NRCAM: variants seen among roughly 807,000 people sequenced by gnomAD.
The protein encoded by NRCAM is neuronal cell adhesion molecule.
A neutral mutation model predicts 156.5 loss-of-function variants in NRCAM; 83 were observed. The observed-to-expected ratio is 0.53, with a 90% confidence interval of 0.44 to 0.64. NRCAM has a LOEUF of 0.64. Ranked by LOEUF, NRCAM falls within the 30% of genes least tolerant of loss-of-function variation. The pLI, the probability that NRCAM is intolerant of heterozygous loss-of-function variation, is 0.00. For missense variants in NRCAM, 1,417 were observed against 1,597.3 expected (o/e 0.89, Z 1.92); for synonymous variants, 538 against 563.9 (o/e 0.95, Z 0.65).
At chr7:108,344,923 T>C (rs1362688354) in intron 2 of NRCAM, among the ~76,000 whole-genome samples, 1 of 152,148 alleles carries the variant, frequency 6.6e-6, no homozygotes, top group Non-Finnish European at 1.5e-5. Flanking sequence ...TTTCATTATA[T>C]GAAGTCAAGG....
intron 14 of NRCAM, among the ~76,000 whole-genome samples, chr7:108,196,462 T>C (rs34486442): frequency 1.9e-3 from 294 of 152,200 alleles, no homozygotes; most frequent in Non-Finnish European, 3.2e-3. Context: ...CCAAAATATA[T>C]AAAGAACTCA....
chr7:108,160,937 C>T (rs1263942885), intron 30 of NRCAM, among the ~76,000 whole-genome samples: 2 of 152,136 alleles, frequency 1.3e-5, no homozygotes, highest in Non-Finnish European at 2.9e-5. Context: ...CTTTTAGAGG[C>T]TAAACTGTCC....
intron 32 of NRCAM, chr7:108,150,616 A>T (rs2040836448): frequency 2.0e-6 from 1 of 491,776 alleles, no homozygotes; most frequent in African/African-American, 2.0e-5. Context: ...TTTTTTTCTG[A>T]GCCAGAAGGA....
chr7:108,176,784 C>T (rs1482903616), intron 26 of NRCAM, 178 bp from the exon 27 acceptor site: 2 of 561,554 alleles, frequency 3.6e-6, no homozygotes, highest in African/African-American at 1.9e-5. Context: ...ATGCTATGTT[C>T]TATCATATCG....
chr7:108,224,571 T>G (rs866401476), intron 10 of NRCAM, among the ~76,000 whole-genome samples: 68 of 152,274 alleles, frequency 4.5e-4, no homozygotes, highest in African/African-American at 1.6e-3. Flanking sequence ...GAAGGTTTCT[T>G]AGAAAAACTT....
chr7:108,441,773 C>T (rs1838804683), intron 1 of NRCAM, among the ~76,000 whole-genome samples: 1 of 152,188 alleles, frequency 6.6e-6, no homozygotes, highest in Non-Finnish European at 1.5e-5. Context: ...CAAATCTGGC[C>T]TGCCGCCAAT....
At chr7:108,365,530 A>T (rs2099586577) in intron 2 of NRCAM, among the ~76,000 whole-genome samples, 1 of 152,202 alleles carries the variant, frequency 6.6e-6, no homozygotes, top group South Asian at 2.1e-4. Flanking sequence ...ATTTCTTTAT[A>T]GTGAGAACAT....
chr7:108,440,164 C>G (rs1836980934), intron 1 of NRCAM, among the ~76,000 whole-genome samples: 1 of 152,084 alleles, frequency 6.6e-6, no homozygotes, highest in South Asian at 2.1e-4. Flanking sequence ...ATCTACATAC[C>G]AGGGAATACC....
chr7:108,286,807 C>T (rs571182091), intron 3 of NRCAM, among the ~76,000 whole-genome samples: 6 of 152,182 alleles, frequency 3.9e-5, no homozygotes, highest in Admixed American at 2.0e-4. Flanking sequence ...CTTTAATGTC[C>T]GTAGAATCAG....
chr7:108,194,440 A>G lies in NRCAM; in HGVS notation c.1464-12T>C. Reference sequence around the variant, plus strand: ...TAGCTCCTTTAAACCTTCATTACAGAAATTATCACAATGAGAATAAAAACA... The same window carrying G: ...TAGCTCCTTTAAACCTTCATTACAGGAATTATCACAATGAGAATAAAAACA... On this transcript the variant is annotated splice_polypyrimidine_tract_variant and intron_variant, in intron 15 of 32. Transcript: ENST00000379028. 1 of 1,550,736 alleles carries G rather than the reference A, an allele frequency of 6.4e-7. No homozygotes were observed. Among genetic ancestry groups the G allele is most frequent in the Non-Finnish European group, 8.8e-7 (1 of 1,140,952 alleles).
chr7:108,390,157 A>G lies in NRCAM; in HGVS notation c.-174+9279T>C, dbSNP rs148344762. Among the ~76,000 whole-genome samples, 1,506 of 152,260 alleles carry G rather than the reference A, an allele frequency of 9.9e-3. 33 individuals carry two copies. Among genetic ancestry groups the G allele is most frequent in the East Asian group, 0.054 (278 of 5,178 alleles). ...CAGCTCCTCCTTGTACCTCTGGTAG[A>G]ATTCGGCTATGAATCCATCTGGTCC... On this transcript the variant is annotated intron_variant, in intron 2 of 32. Coordinates refer to ENST00000379028, the MANE Select transcript of NRCAM (RefSeq NM_001037132.4).
At chr7:108,160,865 C>T (rs755693666) in intron 30 of NRCAM, among the ~76,000 whole-genome samples, 1 of 152,114 alleles carries the variant, frequency 6.6e-6, no homozygotes, top group Non-Finnish European at 1.5e-5. Context: ...AAATACAAAA[C>T]TGAGTTTTAA....
At position 108,153,417 on chromosome 7, in the gene NRCAM, A is replaced by G. The variant is rs557012464; in HGVS notation, c.3678-3270T>C. Reference sequence around the variant, plus strand: ...ACCCATTCATGATAAAAACATTAGGAATAGAATGTATTTTTATTCCTAACA... The same window carrying G: ...ACCCATTCATGATAAAAACATTAGGGATAGAATGTATTTTTATTCCTAACA... On this transcript the variant is annotated intron_variant, in intron 32 of 32. Transcript: ENST00000379028. Among the ~76,000 whole-genome samples the G allele has an allele frequency of 1.4e-4, 22 of 152,280 alleles. No homozygotes were observed. The South Asian group carries it at 4.6e-3, about 32-fold the overall frequency.
chr7:108,348,261 G>A (rs1563372299), intron 2 of NRCAM, among the ~76,000 whole-genome samples: 1 of 152,116 alleles, frequency 6.6e-6, no homozygotes, highest in East Asian at 1.9e-4. Context: ...TATATGTGTG[G>A]GAGACACAGT....
intron 8 of NRCAM, among the ~76,000 whole-genome samples, chr7:108,228,407 C>T (rs2093814204): frequency 6.6e-6 from 1 of 151,826 alleles, no homozygotes; most frequent in Non-Finnish European, 1.5e-5. Context: ...TCCTCTGTTT[C>T]TCCTGCTGTA....
intron 2 of NRCAM, among the ~76,000 whole-genome samples, chr7:108,341,140 T>C (rs1196827764): frequency 6.6e-6 from 1 of 152,114 alleles, no homozygotes; most frequent in Middle Eastern, 3.2e-3. Context: ...CCATGCCCCT[T>C]ATGTCAAAGG....
chr7:108,156,337 T>G (rs2045469603), intron 32 of NRCAM: 6 of 984,828 alleles, frequency 6.1e-6, no homozygotes, highest in Non-Finnish European at 7.2e-6. Context: ...ATGACCTAGG[T>G]TTATTCTGGT....
intron 2 of NRCAM, among the ~76,000 whole-genome samples, chr7:108,321,010 G>A (rs66526866): frequency 0.25 from 37,863 of 152,178 alleles, 5,223 homozygotes; most frequent in Non-Finnish European, 0.3. Context: ...ATTGCATAGT[G>A]AGCTATTCTG....
chr7:108,271,142 T>C (rs2097330576), intron 3 of NRCAM, among the ~76,000 whole-genome samples: 2 of 152,222 alleles, frequency 1.3e-5, no homozygotes, highest in South Asian at 4.1e-4. Context: ...GTATATTATG[T>C]TATGCATATT....
Sources: allele counts gnomAD v4.1 joint callset (sites outside exome capture counted in the v4.1 genomes callset), GRCh38; gene constraint gnomAD v4.1.1; transcripts MANE v1.5; gene names NCBI Gene and HGNC (gene_info 2026-07-23, HGNC 2026-07-21).